Variants in NTRK3 observed in about 807,000 individuals in gnomAD.
NTRK3 encodes the protein NT-3 growth factor receptor.
NTRK3 carries 24 observed loss-of-function variants against 91.7 expected under a neutral mutation model. That is an observed-to-expected ratio of 0.26 (90% CI 0.19 to 0.37). The LOEUF is 0.37. Ranked by LOEUF, NTRK3 falls within the 10% of genes least tolerant of loss-of-function variation. NTRK3 has a pLI of 1.00. For missense variants in NTRK3, 880 were observed against 1,068.9 expected (o/e 0.82, Z 2.46); for synonymous variants, 483 against 404.0 (o/e 1.20, Z -2.34).
chr15:87,925,203 C>T (rs1360448623), intron 17 of NTRK3, among the ~76,000 whole-genome samples: 1 of 152,186 alleles, frequency 6.6e-6, no homozygotes, highest in Non-Finnish European at 1.5e-5. Flanking sequence ...ACAAATCGCT[C>T]TGGTGTTCTG....
intron 3 of NTRK3, among the ~76,000 whole-genome samples, chr15:88,206,540 C>G (rs1164670588): frequency 6.6e-6 from 1 of 150,968 alleles, no homozygotes; most frequent in Non-Finnish European, 1.5e-5. Flanking sequence ...CGCCTGTAGT[C>G]CCAGCTACTC....
chr15:88,179,773 T>C (rs1597794988), intron 5 of NTRK3, among the ~76,000 whole-genome samples: 1 of 152,202 alleles, frequency 6.6e-6, no homozygotes, highest in East Asian at 1.9e-4. Context: ...TCAGTTTCAG[T>C]TCCTTAACTC....
At chr15:88,026,687 T>C (rs916149698) in intron 14 of NTRK3, among the ~76,000 whole-genome samples, 1 of 152,234 alleles carries the variant, frequency 6.6e-6, no homozygotes, top group South Asian at 2.1e-4. Flanking sequence ...TAATATACCA[T>C]AATTATGCAA....
At chr15:88,112,606 G>A (rs2051536751) in intron 13 of NTRK3, among the ~76,000 whole-genome samples, 1 of 152,164 alleles carries the variant, frequency 6.6e-6, no homozygotes, top group African/African-American at 2.4e-5. Flanking sequence ...CTTTAAGCAG[G>A]GTGAATGTTT....
rs1424561385 is a variant in NTRK3 at position 88,032,866 on chromosome 15, G to A, written c.1576C>T (p.Pro526Ser). ...CCATCCCAGTACTTACACGTGTCCG[G>A]CTTGTGGCAGTTGTGTCCCTGACGG... is the stretch of plus-strand genomic sequence containing the variant. Residue 526 changes from proline (P) to serine (S), a missense_variant, in exon 14 of 19, where the codon CCG becomes TCG. Pro to Ser is a moderately conservative substitution (Grantham distance 74). Coordinates refer to ENST00000394480, the Ensembl canonical transcript of NTRK3. 5.0e-6 allele frequency: 8 copies of A among 1,613,596 alleles called. No homozygotes were observed. The highest frequency in any genetic ancestry group is 5.9e-6 in the Non-Finnish European group (7 of 1,179,862).
At chr15:87,989,595 T>C (rs955096019) in intron 14 of NTRK3, among the ~76,000 whole-genome samples, 4 of 151,888 alleles carry the variant, frequency 2.6e-5, no homozygotes, top group African/African-American at 9.7e-5. Context: ...GGCACATGTA[T>C]ACATATGTAA....
exon 19 of NTRK3, chr15:87,863,819 C>T: frequency 4.3e-6 from 1 of 231,434 alleles, no homozygotes; most frequent in African/African-American, 2.2e-5. Context: ...TAAAACTTTG[C>T]CATGAACTGC....
intron 5 of NTRK3, among the ~76,000 whole-genome samples, chr15:88,151,266 A>C (rs7168478): frequency 0.05 from 7,646 of 152,130 alleles, 526 homozygotes; most frequent in African/African-American, 0.15. Context: ...TTGTGCTGCA[A>C]AACTGGCCCT....
At chr15:87,960,186 G>C (rs1038741289) in intron 14 of NTRK3, among the ~76,000 whole-genome samples, 1 of 152,144 alleles carries the variant, frequency 6.6e-6, no homozygotes, top group Non-Finnish European at 1.5e-5. Context: ...TCCTGTCAAA[G>C]GGACCAGAGC....
At chr15:88,059,079 C>CAG (rs2045978902) in intron 13 of NTRK3, among the ~76,000 whole-genome samples, 1 of 149,948 alleles carries the variant, frequency 6.7e-6, no homozygotes, top group African/African-American at 2.4e-5. Context: ...CACACACACA[C>CAG]AGCCCTCTGG....
At chr15:88,010,162 G>A (rs979465266) in intron 14 of NTRK3, among the ~76,000 whole-genome samples, 1 of 152,240 alleles carries the variant, frequency 6.6e-6, no homozygotes, top group Admixed American at 6.5e-5. Flanking sequence ...TGTAGTCCAG[G>A]CTTCCAGGCC....
intron 14 of NTRK3, among the ~76,000 whole-genome samples, chr15:87,983,035 C>A (rs1039727177): frequency 4.6e-5 from 7 of 152,196 alleles, no homozygotes; most frequent in African/African-American, 1.7e-4. Context: ...AGACTATTAC[C>A]TAACTGCATA....
chr15:88,110,335 C>G (rs2051198771), intron 13 of NTRK3, among the ~76,000 whole-genome samples: 1 of 152,134 alleles, frequency 6.6e-6, no homozygotes, highest in African/African-American at 2.4e-5. Context: ...GTGGGGTAGG[C>G]AGAAGGAAGA....
chr15:88,248,172 G>A (rs1030218149), intron 3 of NTRK3, among the ~76,000 whole-genome samples: 3 of 152,174 alleles, frequency 2.0e-5, no homozygotes, highest in Admixed American at 2.0e-4. Context: ...GCTGGCACCT[G>A]TTCTGCTGCG....
intron 15 of NTRK3, among the ~76,000 whole-genome samples, chr15:87,935,084 A>G (rs1190178318): frequency 6.6e-6 from 1 of 152,216 alleles, no homozygotes; most frequent in Non-Finnish European, 1.5e-5. Context: ...TAACAGCTTG[A>G]GTCTGGAGCC....
At chr15:87,880,899 A>C (rs929919147) in intron 17 of NTRK3, among the ~76,000 whole-genome samples, 1 of 152,244 alleles carries the variant, frequency 6.6e-6, no homozygotes, top group African/African-American at 2.4e-5. Context: ...ACAATCTCGA[A>C]TCTCTCACCA....
chr15:88,048,023 G>A (rs1318522613), intron 13 of NTRK3, among the ~76,000 whole-genome samples: 1 of 152,084 alleles, frequency 6.6e-6, no homozygotes, highest in African/African-American at 2.4e-5. Context: ...TCTATAGAGG[G>A]GCCTAGCAAG....
intron 14 of NTRK3, chr15:87,978,779 T>C (rs1295784725): frequency 1.3e-5 from 3 of 234,902 alleles, no homozygotes; most frequent in Non-Finnish European, 2.5e-5. Context: ...AGACCTAACT[T>C]GGTGCCAATA....
At chr15:88,020,891 T>C (rs2077548973) in intron 14 of NTRK3, among the ~76,000 whole-genome samples, 1 of 152,216 alleles carries the variant, frequency 6.6e-6, no homozygotes, top group Non-Finnish European at 1.5e-5. Context: ...CTTCTTTAAA[T>C]AAGATGTTTT....
Sources: gnomAD v4.1 joint callset for allele counts (sites outside exome capture counted in the v4.1 genomes callset) on GRCh38, gnomAD v4.1.1 for gene constraint, MANE v1.5 for transcripts, NCBI Gene and HGNC (gene_info 2026-07-23, HGNC 2026-07-21) for gene names.